The following ASCC2 variants were observed in gnomAD, a reference collection of about 807,000 sequenced individuals.
ASCC2 encodes activating signal cointegrator 1 complex subunit 2, also known as ASC-1 complex subunit P100.
A neutral mutation model predicts 93.5 loss-of-function variants in ASCC2; 42 were observed. The ratio of observed to expected loss-of-function variants is 0.45; its 90% CI spans 0.35 to 0.58. ASCC2 has a LOEUF of 0.58. Ranked by LOEUF, ASCC2 falls within the 20% of genes least tolerant of loss-of-function variation. The probability of loss-of-function intolerance (pLI) is 0.00; values close to 1 mark genes in which losing one functional copy is unlikely to be tolerated. For synonymous variants in ASCC2, 364 were observed against 384.2 expected (o/e 0.95, Z 0.62); for missense variants, 859 against 977.6 (o/e 0.88, Z 1.62).
chr22:29,832,286 T>C lies in ASCC2; in HGVS notation c.40A>G (p.Lys14Glu). The C allele has an allele frequency of 6.2e-7, 1 of 1,614,010 alleles. No individual in the cohort carries two copies. Among genetic ancestry groups the C allele is most frequent in the Non-Finnish European group, 8.5e-7 (1 of 1,179,952 alleles). ...LPLDQLQITH[K>E]DPKTGKLRTS... is the part of the protein sequence containing the mutation. The stretch of plus-strand genomic sequence containing the variant: ...CTCAGCTTTCCTGTCTTCGGGTCCT[T>C]GTGGGTGATCTGGAGTTGGTCCAGG... Residue 14 changes from lysine (K) to glutamate (E), a missense_variant, in exon 2 of 20, where the codon AAG (lysine) becomes GAG (glutamate). By Grantham distance (56) the Lys-to-Glu change is moderately conservative (BLOSUM62 1). Transcript: ENST00000307790.
chr22:29,824,564 A>G (rs1005945783), intron 4 of ASCC2, among the ~76,000 whole-genome samples: 26 of 152,108 alleles, frequency 1.7e-4, no homozygotes, highest in African/African-American at 6.3e-4. Context: ...GCAATGAGCT[A>G]TAATCACGCC....
chr22:29,811,973 A>G (rs2060324253), intron 8 of ASCC2, among the ~76,000 whole-genome samples: 1 of 152,220 alleles, frequency 6.6e-6, no homozygotes, highest in Non-Finnish European at 1.5e-5. Context: ...TATCATGAGA[A>G]AAGATACCTT....
intron 8 of ASCC2, among the ~76,000 whole-genome samples, chr22:29,811,560 T>TTTCAGA (rs1456833439): frequency 4.6e-5 from 7 of 152,236 alleles, no homozygotes; most frequent in Non-Finnish European, 8.8e-5. Flanking sequence ...CCTGGAGAAC[T>TTTCAGA]GAGGTGGCTG....
At position 29,802,006 on chromosome 22, in the gene ASCC2, C is replaced by A; in HGVS notation, c.1556G>T (p.Arg519Leu). Residue 519 changes from arginine (R) to leucine (L), a missense_variant, in exon 14 of 20, where the codon CGC becomes CTC. Arg to Leu is a moderately radical substitution (Grantham distance 102). Coordinates refer to ENST00000307790, the MANE Select transcript of ASCC2 (RefSeq NM_032204.5). ...CTGTCTCTCCCACCTGTCTAGGTTG[C>A]GGTCCAGCTGGCTGAGGGTGGGGGC... ...RLAPTLSQLD[R>L]NLDREMKPDP... 6.3e-7 allele frequency: 1 copy of A among 1,594,654 alleles called. No individual in the cohort carries two copies. The highest frequency in any genetic ancestry group is 8.5e-7 in the Non-Finnish European group (1 of 1,169,808).
intron 13 of ASCC2, among the ~76,000 whole-genome samples, chr22:29,803,290 A>C (rs776772811): frequency 6.6e-6 from 1 of 151,770 alleles, no homozygotes; most frequent in African/African-American, 2.4e-5. Flanking sequence ...AAAACAAATA[A>C]ATAATTATAT....
chr22:29,819,165 T>C (rs373648838), intron 5 of ASCC2, among the ~76,000 whole-genome samples: 2 of 152,200 alleles, frequency 1.3e-5, no homozygotes, highest in South Asian at 2.1e-4. Context: ...AACAACCCAA[T>C]TTGTTTTTTT....
Position 29,822,435 on chromosome 22 carries a change from T to C in ASCC2, c.441A>G (p.Gly147=). The change falls in exon 5 of 20, where the codon GGA becomes GGG. Residue 147 remains glycine (G), a synonymous_variant. Transcript: ENST00000307790. ...KDHFISPSAF[G]EILYNNFLFD... ...AGAGGAAGTTATTGTAGAGGATTTCTCCAAACGCAGAAGGGGAAATGAAGT... is the reference window on the plus strand; with the variant it reads ...AGAGGAAGTTATTGTAGAGGATTTCCCCAAACGCAGAAGGGGAAATGAAGT... 1 of 1,613,992 alleles carries C rather than the reference T, an allele frequency of 6.2e-7. No individual in the cohort carries two copies. Among genetic ancestry groups the C allele is most frequent in the Non-Finnish European group, 8.5e-7 (1 of 1,179,956 alleles).
intron 15 of ASCC2, among the ~76,000 whole-genome samples, chr22:29,795,033 T>A (rs999798725): frequency 3.3e-5 from 5 of 151,944 alleles, no homozygotes. Context: ...CAAGCGATTC[T>A]CGTGCCTCAG....
intron 13 of ASCC2, 46 bp from the exon 14 acceptor site, chr22:29,802,254 G>A: frequency 6.3e-7 from 1 of 1,587,688 alleles, no homozygotes. Flanking sequence ...AAGTGGGCCG[G>A]TGATAGGGCC....
intron 5 of ASCC2, 58 bp from the exon 6 acceptor site, chr22:29,816,131 G>A (rs554918447): frequency 8.8e-6 from 12 of 1,368,426 alleles, no homozygotes; most frequent in Non-Finnish European, 1.0e-5. Context: ...GGGCAGTGAA[G>A]AGGACACATT....
Position 29,825,686 on chromosome 22 carries a change from G to A in ASCC2, c.176C>T (p.Ala59Val). 6.2e-7 allele frequency: 1 copy of A among 1,614,248 alleles called. No homozygotes were observed. The highest frequency in any genetic ancestry group is 8.5e-7 in the Non-Finnish European group (1 of 1,180,042). Reference protein sequence around the residue: ...PALVEEYLERATFVANDLDWL... With the variant: ...PALVEEYLERVTFVANDLDWL... ...GTCGAGGTCATTGGCTACGAAGGTG[G>A]CGCGTTCCAGGTACTCCTCCACTAG... The change falls in exon 3 of 20, where the codon GCC (alanine) becomes GTC (valine). Residue 59 changes from alanine (A) to valine (V), a missense_variant. Ala to Val is a moderately conservative substitution (Grantham distance 64). Transcript: ENST00000307790. The surrounding 1 kb of genome is among the most constrained non-coding windows in gnomAD (Gnocchi z 4.9).
intron 1 of ASCC2, among the ~76,000 whole-genome samples, chr22:29,832,977 G>A (rs968323464): frequency 2.6e-5 from 4 of 152,054 alleles, no homozygotes; most frequent in Non-Finnish European, 4.4e-5. Flanking sequence ...ACTCGGGCTG[G>A]TCTCAAACTC....
At chr22:29,830,417 C>A (rs1353190929) in intron 2 of ASCC2, among the ~76,000 whole-genome samples, 1 of 152,232 alleles carries the variant, frequency 6.6e-6, no homozygotes, top group Non-Finnish European at 1.5e-5. Context: ...GAGTCAGGAT[C>A]TCTCAAGACT....
At chr22:29,790,367 G>C (rs2068849510) in intron 19 of ASCC2, 102 bp downstream of exon 19, 2 of 1,141,554 alleles carry the variant, frequency 1.8e-6, no homozygotes, top group South Asian at 2.6e-5. Flanking sequence ...CTAAATACAC[G>C]TGGAGCACTT....
At chr22:29,805,975 C>T (rs1820836385) in intron 12 of ASCC2, among the ~76,000 whole-genome samples, 2 of 152,030 alleles carry the variant, frequency 1.3e-5, no homozygotes, top group South Asian at 4.1e-4. Flanking sequence ...GTCACATAGG[C>T]CCAGATACTC....
intron 2 of ASCC2, among the ~76,000 whole-genome samples, chr22:29,831,495 G>A (rs971204920): frequency 3.3e-5 from 5 of 152,206 alleles, no homozygotes; most frequent in Non-Finnish European, 7.3e-5. Context: ...TATTATTAGA[G>A]ACTATTTAAG....
rs766915302 is a variant in ASCC2, at chr22:29,816,037, T to A, written c.578A>T (p.Asp193Val). The A allele has an allele frequency of 4.4e-6, 7 of 1,599,322 alleles. No individual in the cohort carries two copies. Among genetic ancestry groups the A allele is most frequent in the African/African-American group, 1.3e-5 (1 of 74,802 alleles). ...GATGGTAGGCAGGGTTTCATCCAGGTCACTGTAGTAACTTGGCTGCTGTGT... is the reference window on the plus strand; with the variant it reads ...GATGGTAGGCAGGGTTTCATCCAGGACACTGTAGTAACTTGGCTGCTGTGT... ...IFTQQPSYYS[D>V]LDETLPTILQ... Residue 193 changes from aspartate (D) to valine (V), a missense_variant, in exon 6 of 20, where the codon GAC becomes GTC. Physicochemically the swap from Asp to Val is radical, Grantham distance 152. Coordinates refer to ENST00000307790, the MANE Select transcript of ASCC2 (RefSeq NM_032204.5).
intron 18 of ASCC2, among the ~76,000 whole-genome samples, chr22:29,790,949 G>A (rs1244266642): frequency 6.6e-6 from 1 of 152,200 alleles, no homozygotes; most frequent in African/African-American, 2.4e-5. Flanking sequence ...TGCAGGCCTA[G>A]GCCTCACTGT....
At chr22:29,807,196 G>A (rs990376196) in intron 9 of ASCC2, among the ~76,000 whole-genome samples, 12 of 141,038 alleles carry the variant, frequency 8.5e-5, no homozygotes, top group African/African-American at 3.0e-4. Context: ...AGCCATGATG[G>A]TGCCATTCCA....
Sources: allele counts gnomAD v4.1 joint callset (sites outside exome capture counted in the v4.1 genomes callset), GRCh38; gene constraint gnomAD v4.1.1; non-coding constraint Gnocchi (gnomAD v3.1); transcripts MANE v1.5; gene names NCBI Gene and HGNC (gene_info 2026-07-23, HGNC 2026-07-21).